PLCB1: variants seen among roughly 807,000 people sequenced by gnomAD.
PLCB1 encodes the protein phospholipase C beta 1, also known as 1-phosphatidylinositol 4,5-bisphosphate phosphodiesterase beta-1.
Under a neutral mutation model 161.8 loss-of-function variants are expected in PLCB1, and 46 were observed. The ratio of observed to expected loss-of-function variants is 0.28; its 90% CI spans 0.22 to 0.36. The LOEUF is 0.36. PLCB1 is among the 10% of genes least tolerant of loss of function. PLCB1 has a pLI of 1.00. For missense variants in PLCB1, 1,016 were observed against 1,472.5 expected (o/e 0.69, Z 5.07); for synonymous variants, 517 against 503.7 (o/e 1.03, Z -0.35).
chr20:8,769,827 A>C (rs1442537393), intron 26 of PLCB1, among the ~76,000 whole-genome samples: 2 of 152,210 alleles, frequency 1.3e-5, no homozygotes, highest in Non-Finnish European at 2.9e-5. Flanking sequence ...TTTGATGCCA[A>C]GTTATAGAGA....
chr20:8,421,271 C>T (rs775947818), intron 3 of PLCB1, among the ~76,000 whole-genome samples: 5 of 152,154 alleles, frequency 3.3e-5, no homozygotes, highest in Non-Finnish European at 4.4e-5. Flanking sequence ...ACTTGGCCTT[C>T]TTGCCGAGAA....
chr20:8,153,432 T>C (rs557883993), intron 2 of PLCB1, among the ~76,000 whole-genome samples: 9 of 152,000 alleles, frequency 5.9e-5, no homozygotes, highest in African/African-American at 1.7e-4. Context: ...GAGAAGGGAG[T>C]CCTGCACAGC....
intron 31 of PLCB1, among the ~76,000 whole-genome samples, chr20:8,824,942 G>C (rs1335147800): frequency 6.6e-6 from 1 of 152,070 alleles, no homozygotes; most frequent in African/African-American, 2.4e-5. Flanking sequence ...TGAGTTCATG[G>C]GTCAACACTG....
At chr20:8,726,661 A>AC (rs1445936894) in intron 16 of PLCB1, among the ~76,000 whole-genome samples, 2 of 151,806 alleles carry the variant, frequency 1.3e-5, no homozygotes, top group African/African-American at 4.8e-5. Context: ...TAATTCAATT[A>AC]CCCCCACTTG....
At chr20:8,210,105 T>C (rs1036938133) in intron 2 of PLCB1, among the ~76,000 whole-genome samples, 1 of 152,156 alleles carries the variant, frequency 6.6e-6, no homozygotes, top group African/African-American at 2.4e-5. Context: ...ATATTTTTAA[T>C]GTGAAAAGTG....
chr20:8,326,423 G>GT (rs1985155690), intron 2 of PLCB1, among the ~76,000 whole-genome samples: 1 of 152,190 alleles, frequency 6.6e-6, no homozygotes, highest in South Asian at 2.1e-4. Flanking sequence ...GAAGGCCAAA[G>GT]AATAGGCGAT....
At chr20:8,418,593 C>T (rs1191240951) in intron 3 of PLCB1, among the ~76,000 whole-genome samples, 1 of 151,806 alleles carries the variant, frequency 6.6e-6, no homozygotes, top group African/African-American at 2.4e-5. Context: ...ATATAAATTA[C>T]TTATATATTT....
chr20:8,488,775 C>T (rs1273787311), intron 3 of PLCB1, among the ~76,000 whole-genome samples: 1 of 152,136 alleles, frequency 6.6e-6, no homozygotes, highest in Non-Finnish European at 1.5e-5. Context: ...TATTGAACTG[C>T]ATTAGGTAAC....
At chr20:8,354,755 AC>A (rs1986306074) in intron 2 of PLCB1, among the ~76,000 whole-genome samples, 1 of 152,090 alleles carries the variant, frequency 6.6e-6, no homozygotes, top group Non-Finnish European at 1.5e-5. Context: ...TATTATTTTA[AC>A]CCTCACAACA....
chr20:8,511,066 T>A (rs1365484509), intron 3 of PLCB1, among the ~76,000 whole-genome samples: 1 of 152,186 alleles, frequency 6.6e-6, no homozygotes, highest in Non-Finnish European at 1.5e-5. Flanking sequence ...CACCATGCTG[T>A]GCAATAGATC....
At position 8,670,306 on chromosome 20, in the gene PLCB1, G is replaced by A. The variant is rs78268022; in HGVS notation, c.862+11602G>A. On this transcript the variant is annotated intron_variant, in intron 9 of 31. Transcript: ENST00000338037. ...ATGATGAGGAGTAAATAAACTCACA[G>A]ATGTGAGAATACTTTGAAAAACGGA... Among the ~76,000 whole-genome samples, 1,348 of 152,294 alleles carry A rather than the reference G, an allele frequency of 8.9e-3. 88 individuals carry two copies. In the East Asian group the frequency reaches 0.17, roughly 19 times the overall value.
chr20:8,683,147 T>A (rs1214334004), intron 9 of PLCB1, among the ~76,000 whole-genome samples: 3 of 151,888 alleles, frequency 2.0e-5, no homozygotes, highest in Admixed American at 1.3e-4. Context: ...AATACAAAGG[T>A]TACTAAATTA....
chr20:8,561,687 G>C (rs1351579084), intron 3 of PLCB1, among the ~76,000 whole-genome samples: 2 of 151,970 alleles, frequency 1.3e-5, no homozygotes, highest in African/African-American at 4.8e-5. Flanking sequence ...TGCTCAATTT[G>C]CATGAGGATT....
intron 2 of PLCB1, among the ~76,000 whole-genome samples, chr20:8,165,172 C>T (rs2051662907): frequency 6.6e-6 from 1 of 152,170 alleles, no homozygotes; most frequent in Non-Finnish European, 1.5e-5. Flanking sequence ...GAGGAAAGAA[C>T]ATGTCTTGAG....
chr20:8,341,818 G>A (rs1040139732), intron 2 of PLCB1, among the ~76,000 whole-genome samples: 18 of 152,112 alleles, frequency 1.2e-4, no homozygotes, highest in African/African-American at 3.9e-4. Context: ...AAATTAGCTC[G>A]TCTAATATTC....
intron 5 of PLCB1, among the ~76,000 whole-genome samples, chr20:8,647,118 G>A (rs1035447625): frequency 6.6e-6 from 1 of 152,030 alleles, no homozygotes; most frequent in Non-Finnish European, 1.5e-5. Context: ...TTAACTTAAG[G>A]ACTCTTCCTT....
chr20:8,662,357 A>G lies in PLCB1; in HGVS notation c.862+3653A>G, dbSNP rs1254435943. On this transcript the variant is annotated intron_variant, in intron 9 of 31. Transcript: ENST00000338037. ...ATTATATAATTATGTATAATATGTA[A>G]TTATTTATTATATAATTATGTATAA... Among the ~76,000 whole-genome samples, 84 of 126,338 alleles carry G rather than the reference A, an allele frequency of 6.6e-4. 1 individual carries two copies. Among genetic ancestry groups the G allele is most frequent in the African/African-American group, 2.5e-3 (79 of 32,194 alleles). 82.9% of individuals were successfully genotyped at this position (126,338 alleles called of 152,430 possible).
At chr20:8,483,173 T>C (rs1046184271) in intron 3 of PLCB1, among the ~76,000 whole-genome samples, 5 of 152,196 alleles carry the variant, frequency 3.3e-5, no homozygotes, top group African/African-American at 1.2e-4. Context: ...TAAAAACATA[T>C]TCTCTCTCTA....
At chr20:8,303,536 C>A (rs1347252918) in intron 2 of PLCB1, among the ~76,000 whole-genome samples, 1 of 152,138 alleles carries the variant, frequency 6.6e-6, no homozygotes, top group African/African-American at 2.4e-5. Flanking sequence ...GTACATAGAG[C>A]ATTACTTCTT....
Sources: gnomAD v4.1 joint callset for allele counts (sites outside exome capture counted in the v4.1 genomes callset) on GRCh38, gnomAD v4.1.1 for gene constraint, MANE v1.5 for transcripts, NCBI Gene and HGNC (gene_info 2026-07-23, HGNC 2026-07-21) for gene names.